Variants in STAM2 observed in about 807,000 individuals in gnomAD.
The protein encoded by STAM2 is signal transducing adaptor molecule 2.
STAM2 carries 51 observed loss-of-function variants against 65.6 expected under a neutral mutation model. The ratio of observed to expected loss-of-function variants is 0.78; its 90% CI spans 0.62 to 0.98. STAM2 has a LOEUF of 0.98. Ranked by LOEUF, STAM2 falls within the 50% of genes least tolerant of loss-of-function variation. The pLI, the probability that STAM2 is intolerant of heterozygous loss-of-function variation, is 0.00. For synonymous variants in STAM2, 198 were observed against 208.4 expected, an observed-to-expected ratio of 0.95 and a Z score of 0.43; for missense variants, 584 against 617.8, an observed-to-expected ratio of 0.95 and a Z score of 0.58.
In STAM2 at chr2:152,120,412, A is replaced by C. The variant is rs914993652; in HGVS notation, c.*162T>G. 8 of 573,050 alleles carry C rather than the reference A, an allele frequency of 1.4e-5. No homozygotes were observed. Among genetic ancestry groups the C allele is most frequent in the East Asian group, 5.9e-5 (2 of 33,808 alleles). 35.5% of individuals were successfully genotyped at this position (573,050 alleles called of 1,614,324 possible). The stretch of plus-strand genomic sequence containing the variant: ...ACTGGACTGAAAAAAAAAAAAAAAA[A>C]AAACCTTTTATGGCCTTGTAGAATA... On this transcript the variant is annotated 3_prime_UTR_variant, in exon 14 of 14. Transcript: ENST00000263904.
intron 1 of STAM2, among the ~76,000 whole-genome samples, chr2:152,170,680 A>C (rs540812653): frequency 8.5e-5 from 13 of 152,218 alleles, no homozygotes; most frequent in African/African-American, 2.9e-4. Context: ...TACAAACATC[A>C]ACATGAATAA....
intron 1 of STAM2, among the ~76,000 whole-genome samples, chr2:152,163,400 G>A (rs752607949): frequency 1.6e-4 from 24 of 151,884 alleles, no homozygotes; most frequent in African/African-American, 1.5e-4. Context: ...TGTTATCTTC[G>A]TAAGCTGAGA....
chr2:152,120,849 A>G (rs775047364), intron 13 of STAM2, 47 bp from the exon 14 acceptor site: 4 of 1,456,836 alleles, frequency 2.7e-6, no homozygotes, highest in South Asian at 1.1e-5. Context: ...TTTGCAATAT[A>G]TAAGGTTAGA....
Position 152,147,197 on chromosome 2 carries a change from C to T in STAM2, c.412G>A (p.Glu138Lys). The T allele has an allele frequency of 1.2e-6, 2 of 1,610,248 alleles. No homozygotes were observed. Among genetic ancestry groups the T allele is most frequent in the Non-Finnish European group, 1.7e-6 (2 of 1,178,718 alleles). ...LISATIKSMK[E>K]EGITFPPAGS... ...GCTGGAGGAAAAGTAATTCCTTCTT[C>T]TTTCATAGATTTAATAGTTGCAGAT... Residue 138 changes from glutamate to lysine, a missense_variant, in exon 5 of 14, where the codon GAA becomes AAA. Coordinates refer to ENST00000263904, the MANE Select transcript of STAM2 (RefSeq NM_005843.6).
At chr2:152,159,243 C>G (rs1291326641) in intron 1 of STAM2, among the ~76,000 whole-genome samples, 4 of 151,090 alleles carry the variant, frequency 2.6e-5, no homozygotes, top group Non-Finnish European at 5.9e-5. Context: ...GAGTTTAAAG[C>G]TGCAGTAAGC....
At position 152,147,983 on chromosome 2, in the gene STAM2, T is replaced by A. The variant is rs762459538; in HGVS notation, c.300+41A>T. On this transcript the variant is annotated intron_variant, in intron 4 of 13. Transcript: ENST00000263904. ...TAGTTATAATGACACACAATCTACA[T>A]TTTTTTAATGACTTAAAGTTCTTCT... The A allele has an allele frequency of 2.1e-6, 3 of 1,456,246 alleles. No homozygotes were observed. The South Asian group carries it at 3.7e-5, about 18-fold the overall frequency. The allele number at this position is 1,456,246 out of a possible 1,614,324, so 90.2% of individuals were successfully genotyped here.
At chr2:152,165,441 A>G (rs1336971510) in intron 1 of STAM2, among the ~76,000 whole-genome samples, 1 of 152,036 alleles carries the variant, frequency 6.6e-6, no homozygotes, top group African/African-American at 2.4e-5. Flanking sequence ...AAAAAAAAAA[A>G]GTCTCCAAGG....
intron 1 of STAM2, 77 bp from the exon 2 acceptor site, chr2:152,150,306 T>A: frequency 1.1e-6 from 1 of 923,710 alleles, no homozygotes; most frequent in Non-Finnish European, 1.7e-6. Context: ...GGTCCAACAG[T>A]TAAGAAATCC....
chr2:152,117,351 G>C lies in STAM2; in HGVS notation c.*3223C>G, dbSNP rs1688766168. 1 of 151,958 alleles carries C rather than the reference G, an allele frequency of 6.6e-6. No individual in the cohort carries two copies. The highest frequency in any genetic ancestry group is 1.5e-5 in the Non-Finnish European group (1 of 68,026). 9.4% of individuals were successfully genotyped at this position (151,958 alleles called of 1,614,324 possible). On this transcript the variant is annotated 3_prime_UTR_variant, in exon 14 of 14. Transcript: ENST00000263904. ...AGTTTTAAAATTTTTGTAGAGATAG[G>C]GTCTTGCCATGTTGCCAGGTTGGTC...
intron 9 of STAM2, 53 bp downstream of exon 9, chr2:152,133,349 A>G: frequency 6.5e-7 from 1 of 1,540,404 alleles, no homozygotes; most frequent in Non-Finnish European, 8.9e-7. Context: ...TCTCAAAGAT[A>G]GTACATTTAA....
intron 9 of STAM2, 67 bp downstream of exon 9, chr2:152,133,335 G>T: frequency 6.5e-7 from 1 of 1,540,188 alleles, no homozygotes. Context: ...CTCTTTCCAA[G>T]CATTCTCAAA....
chr2:152,144,057 G>A, intron 6 of STAM2, 44 bp from the exon 7 acceptor site: 4 of 1,375,778 alleles, frequency 2.9e-6, no homozygotes, highest in East Asian at 6.2e-5. Flanking sequence ...AATTAATTTT[G>A]ATAAAATAAA....
chr2:152,148,312 A>AGAG lies in STAM2; in HGVS notation c.126-13_126-12insCTC. ...GGCAATCTTTCGCTCTAAAAAAAAA[A>AGAG]AGAGAGAGAGAGACAGTTAAGTATT... is the stretch of plus-strand genomic sequence containing the variant. On this transcript the variant is annotated splice_polypyrimidine_tract_variant and intron_variant, in intron 2 of 13. Coordinates refer to ENST00000263904, the MANE Select transcript of STAM2 (RefSeq NM_005843.6). 1.3e-6 allele frequency: 2 copies of AGAG among 1,561,224 alleles called. No individual in the cohort carries two copies. Among genetic ancestry groups the AGAG allele is most frequent in the Non-Finnish European group, 1.7e-6 (2 of 1,144,474 alleles).
At position 152,120,424 on chromosome 2, in the gene STAM2, G is replaced by A. The variant is rs1560207672; in HGVS notation, c.*150C>T. 1.9e-5 allele frequency: 9 copies of A among 467,536 alleles called. No individual in the cohort carries two copies. The highest frequency in any genetic ancestry group is 3.3e-5 in the South Asian group (1 of 30,738). 29.0% of individuals were successfully genotyped at this position (467,536 alleles called of 1,614,324 possible). A position where few individuals can be genotyped will look rare whatever the true frequency, so the allele number is the denominator to read the frequency against. ...AAAAAAAAAAAAAAAAACCTTTTAT[G>A]GCCTTGTAGAATAAGAGAGGTTTTT... On this transcript the variant is annotated 3_prime_UTR_variant, in exon 14 of 14. Transcript: ENST00000263904.
intron 7 of STAM2, among the ~76,000 whole-genome samples, chr2:152,139,040 A>G (rs1689201851): frequency 6.6e-6 from 1 of 152,184 alleles, no homozygotes; most frequent in African/African-American, 2.4e-5. Context: ...ACTCCTTCCC[A>G]GCCCTAATCC....
At chr2:152,151,188 T>A (rs1156716167) in intron 1 of STAM2, among the ~76,000 whole-genome samples, 1 of 151,132 alleles carries the variant, frequency 6.6e-6, no homozygotes, top group Non-Finnish European at 1.5e-5. Context: ...CTTTTTTTTT[T>A]TTTTTTTTCG....
intron 1 of STAM2, among the ~76,000 whole-genome samples, chr2:152,152,651 G>A (rs185528649): frequency 6.6e-6 from 1 of 152,120 alleles, no homozygotes; most frequent in Admixed American, 6.5e-5. Flanking sequence ...CGCCTTCATT[G>A]TCCTTTGGTG....
intron 1 of STAM2, among the ~76,000 whole-genome samples, chr2:152,172,871 A>G (rs1689920738): frequency 1.3e-5 from 2 of 151,948 alleles, no homozygotes; most frequent in Admixed American, 6.6e-5. Context: ...TCAAAAAAAA[A>G]AAAAAAGAAA....
chr2:152,166,004 A>G (rs1579336283), intron 1 of STAM2, among the ~76,000 whole-genome samples: 1 of 152,090 alleles, frequency 6.6e-6, no homozygotes, highest in South Asian at 2.1e-4. Flanking sequence ...GGAGTTGCAG[A>G]CCAGCCTGGC....
Sources: gnomAD v4.1 joint callset for allele counts (sites outside exome capture counted in the v4.1 genomes callset) on GRCh38, gnomAD v4.1.1 for gene constraint, MANE v1.5 for transcripts, NCBI Gene and HGNC (gene_info 2026-07-23, HGNC 2026-07-21) for gene names.